PTPRT: variants seen among roughly 807,000 people sequenced by gnomAD.
PTPRT encodes the protein receptor-type tyrosine-protein phosphatase T.
PTPRT carries 56 observed loss-of-function variants against 176.8 expected under a neutral mutation model. The observed-to-expected ratio is 0.32, with a 90% CI of 0.26 to 0.40. PTPRT has a LOEUF of 0.40. Among genes scored for constraint, PTPRT ranks in the 10% least tolerant of loss-of-function variants. The probability of loss-of-function intolerance (pLI) is 1.00; values close to 1 mark genes in which losing one functional copy is unlikely to be tolerated. For synonymous variants in PTPRT, 783 were observed against 739.0 expected, an observed-to-expected ratio of 1.06 and a Z score of -0.96; for missense variants, 1,540 against 1,908.2, an observed-to-expected ratio of 0.81 and a Z score of 3.60.
At chr20:42,321,855 G>A (rs531268928) in intron 11 of PTPRT, among the ~76,000 whole-genome samples, 17 of 152,236 alleles carry the variant, frequency 1.1e-4, no homozygotes, top group East Asian at 3.9e-4. Flanking sequence ...AGGCCAAGGC[G>A]GGTGGATCAT....
At chr20:42,496,395 A>C (rs2145398491) in intron 7 of PTPRT, among the ~76,000 whole-genome samples, 1 of 152,282 alleles carries the variant, frequency 6.6e-6, no homozygotes, top group South Asian at 2.1e-4. Context: ...GTTTCACAGA[A>C]GTTTCCATGT....
chr20:42,120,740 T>A (rs190437428), intron 19 of PTPRT, among the ~76,000 whole-genome samples: 1 of 152,306 alleles, frequency 6.6e-6, no homozygotes, highest in African/African-American at 2.4e-5. Flanking sequence ...TCTTTCCAGT[T>A]ACAGTCATAT....
chr20:42,869,685 G>T (rs1382630348), intron 2 of PTPRT, among the ~76,000 whole-genome samples: 1 of 152,198 alleles, frequency 6.6e-6, no homozygotes, highest in East Asian at 1.9e-4. Context: ...AGCTGATACA[G>T]GAGTAAGACT....
At chr20:42,570,530 A>G (rs2073136116) in intron 7 of PTPRT, among the ~76,000 whole-genome samples, 1 of 152,202 alleles carries the variant, frequency 6.6e-6, no homozygotes, top group Admixed American at 6.5e-5. Flanking sequence ...AGAGGCTCAT[A>G]ATTAATAAGC....
intron 5 of PTPRT, among the ~76,000 whole-genome samples, chr20:42,758,554 A>ACTT (rs778193973): frequency 2.7e-4 from 41 of 152,228 alleles, no homozygotes; most frequent in Middle Eastern, 3.4e-3. Context: ...GCTGCTTTTT[A>ACTT]CTTTTTCACA....
intron 6 of PTPRT, among the ~76,000 whole-genome samples, chr20:42,753,153 A>G (rs1283793771): frequency 6.6e-6 from 1 of 152,144 alleles, no homozygotes; most frequent in African/African-American, 2.4e-5. Flanking sequence ...TTGTGGCACC[A>G]GGTAACAGCA....
chr20:43,132,843 G>T (rs1320708654), intron 1 of PTPRT, among the ~76,000 whole-genome samples: 3 of 152,046 alleles, frequency 2.0e-5, no homozygotes, highest in Non-Finnish European at 4.4e-5. Flanking sequence ...ATAGTTATTT[G>T]CAAAACTTGG....
intron 6 of PTPRT, among the ~76,000 whole-genome samples, chr20:42,727,011 C>A (rs938050810): frequency 2.0e-5 from 3 of 152,092 alleles, no homozygotes; most frequent in African/African-American, 4.8e-5. Flanking sequence ...CAAAAGGTTA[C>A]CTCCCAAGGC....
At chr20:43,063,655 CT>C (rs1288009641) in intron 1 of PTPRT, 3 of 152,254 alleles carry the variant, frequency 2.0e-5, no homozygotes, top group African/African-American at 7.2e-5. Flanking sequence ...AGTCATCTCC[CT>C]TTTGGAAGAA....
chr20:42,142,334 G>A (rs144743015), intron 17 of PTPRT, among the ~76,000 whole-genome samples: 77 of 152,282 alleles, frequency 5.1e-4, no homozygotes, highest in Non-Finnish European at 9.6e-4. Flanking sequence ...ACTGTTTTAG[G>A]TACTAGGGAT....
intron 13 of PTPRT, among the ~76,000 whole-genome samples, chr20:42,262,709 T>TCATG (rs775178289): frequency 4.8e-4 from 73 of 152,306 alleles, no homozygotes; most frequent in Non-Finnish European, 9.6e-4. Flanking sequence ...ATTAAATCAT[T>TCATG]CATGCATGGG....
intron 15 of PTPRT, among the ~76,000 whole-genome samples, chr20:42,231,572 G>A (rs866815390): frequency 3.9e-5 from 6 of 152,280 alleles, no homozygotes; most frequent in East Asian, 1.9e-4. Flanking sequence ...CATCAGGCAC[G>A]GGATAAAGTA....
chr20:43,017,980 A>C (rs1985454826), intron 1 of PTPRT, among the ~76,000 whole-genome samples: 1 of 152,230 alleles, frequency 6.6e-6, no homozygotes, highest in Non-Finnish European at 1.5e-5. Flanking sequence ...GAAGTGTCAC[A>C]GGTGGTATCT....
chr20:42,913,393 G>A (rs1978525551), intron 1 of PTPRT, among the ~76,000 whole-genome samples: 1 of 152,074 alleles, frequency 6.6e-6, no homozygotes, highest in African/African-American at 2.4e-5. Context: ...GCTTGAAGAT[G>A]TATCACTCCA....
At chr20:42,282,452 A>G (rs778001079) in intron 13 of PTPRT, 37 bp downstream of exon 13, 1 of 1,578,200 alleles carries the variant, frequency 6.3e-7, no homozygotes, top group South Asian at 1.2e-5. Context: ...AAATGGCTGA[A>G]GAACAGGTGA....
intron 5 of PTPRT, among the ~76,000 whole-genome samples, chr20:42,766,242 A>C (rs2076980959): frequency 6.6e-6 from 1 of 152,224 alleles, no homozygotes; most frequent in Non-Finnish European, 1.5e-5. Flanking sequence ...ACATGTCTGG[A>C]TTCCTCAGGC....
chr20:42,166,776 C>T (rs545162366), intron 16 of PTPRT, among the ~76,000 whole-genome samples: 29 of 152,044 alleles, frequency 1.9e-4, no homozygotes, highest in Non-Finnish European at 3.7e-4. Flanking sequence ...AAAAAATTAG[C>T]CAGGTGTGGT....
At chr20:43,030,614 A>G (rs1273414765) in intron 1 of PTPRT, among the ~76,000 whole-genome samples, 1 of 152,206 alleles carries the variant, frequency 6.6e-6, no homozygotes, top group African/African-American at 2.4e-5. Flanking sequence ...GATTTCAGAT[A>G]ATTCCACTGG....
intron 1 of PTPRT, among the ~76,000 whole-genome samples, chr20:43,163,732 T>A (rs1003499682): frequency 7.2e-5 from 11 of 152,146 alleles, no homozygotes; most frequent in African/African-American, 2.4e-4. Context: ...GCTCCTGCAC[T>A]GGACTGGTTC....
Sources: gnomAD v4.1 joint callset for allele counts (sites outside exome capture counted in the v4.1 genomes callset) on GRCh38, gnomAD v4.1.1 for gene constraint, MANE v1.5 for transcripts, NCBI Gene and HGNC (gene_info 2026-07-23, HGNC 2026-07-21) for gene names.